The following RCAN2 variants were observed in gnomAD, a reference collection of about 807,000 sequenced individuals.
RCAN2 encodes calcipressin-2.
Under a neutral mutation model 23.6 loss-of-function variants are expected in RCAN2, and 9 were observed. The ratio of observed to expected loss-of-function variants is 0.38; its 90% CI spans 0.23 to 0.67. RCAN2 has a LOEUF of 0.67. Ranked by LOEUF, RCAN2 falls within the 30% of genes least tolerant of loss-of-function variation. The pLI is 0.51. For missense variants in RCAN2, 273 were observed against 302.3 expected, an observed-to-expected ratio of 0.90 and a Z score of 0.72; for synonymous variants, 109 against 115.7, an observed-to-expected ratio of 0.94 and a Z score of 0.37.
chr6:46,354,158 G>A (rs551812658), intron 2 of RCAN2, among the ~76,000 whole-genome samples: 1 of 151,552 alleles, frequency 6.6e-6, no homozygotes, highest in East Asian at 1.9e-4. Context: ...TATGCATGAT[G>A]TGGTCTGCAC....
intron 2 of RCAN2, among the ~76,000 whole-genome samples, chr6:46,407,723 A>G (rs943057745): frequency 6.6e-6 from 1 of 152,340 alleles, no homozygotes; most frequent in East Asian, 1.9e-4. Context: ...GGGTCAGGAA[A>G]TATGTACTTA....
intron 3 of RCAN2, 47 bp from the exon 4 acceptor site, chr6:46,246,966 G>C (rs1199022021): frequency 7.0e-7 from 1 of 1,433,200 alleles, no homozygotes; most frequent in African/African-American, 1.5e-5. Context: ...CATGGCTTCA[G>C]ATGTGTCATG....
intron 2 of RCAN2, among the ~76,000 whole-genome samples, chr6:46,312,628 T>C (rs971754618): frequency 6.6e-6 from 1 of 152,196 alleles, no homozygotes. Flanking sequence ...CCCAGAAACC[T>C]TACCCTTGTT....
At chr6:46,250,455 G>T (rs1258894199) in intron 2 of RCAN2, among the ~76,000 whole-genome samples, 1 of 152,142 alleles carries the variant, frequency 6.6e-6, no homozygotes, top group Admixed American at 6.5e-5. Context: ...GTACAAGTAA[G>T]GATGGAGATG....
At chr6:46,354,310 T>C (rs983463214) in intron 2 of RCAN2, among the ~76,000 whole-genome samples, 2 of 151,424 alleles carry the variant, frequency 1.3e-5, no homozygotes, top group Admixed American at 6.6e-5. Flanking sequence ...TCGGCAGAAG[T>C]TTTCAACTCT....
intron 1 of RCAN2, among the ~76,000 whole-genome samples, chr6:46,462,488 T>C (rs1277675847): frequency 6.6e-6 from 1 of 152,224 alleles, no homozygotes; most frequent in East Asian, 1.9e-4. Flanking sequence ...GATAGCACTT[T>C]TTAAACATTA....
At chr6:46,336,308 G>A (rs1467341419) in intron 2 of RCAN2, among the ~76,000 whole-genome samples, 1 of 152,196 alleles carries the variant, frequency 6.6e-6, no homozygotes, top group East Asian at 1.9e-4. Context: ...TAGACTAGAT[G>A]GGGTGGTTTT....
At chr6:46,395,037 A>G (rs996181835) in intron 2 of RCAN2, among the ~76,000 whole-genome samples, 4 of 152,176 alleles carry the variant, frequency 2.6e-5, no homozygotes, top group Non-Finnish European at 5.9e-5. Flanking sequence ...GATGGAGAAG[A>G]CTTGAGAGAA....
Position 46,222,519 on chromosome 6 carries a change from A to C in RCAN2, c.*622T>G, listed in dbSNP as rs979892365. 1 of 153,124 alleles carries C rather than the reference A, an allele frequency of 6.5e-6. No individual in the cohort carries two copies. The highest frequency in any genetic ancestry group is 1.9e-4 in the East Asian group (1 of 5,204). 9.5% of individuals were successfully genotyped at this position (153,124 alleles called of 1,614,324 possible). A position where few individuals can be genotyped will look rare whatever the true frequency, so the allele number is the denominator to read the frequency against. On this transcript the variant is annotated 3_prime_UTR_variant, in exon 5 of 5. Transcript: ENST00000371374. ...AGGAATTTCAACAGAGCTATGGTGT[A>C]TTGACTCACAATAGTGAATATACCC... is the stretch of plus-strand genomic sequence containing the variant.
chr6:46,456,747 C>T lies in RCAN2; in HGVS notation c.225+5G>A, dbSNP rs1390398604. 8 of 1,543,976 alleles carry T rather than the reference C, an allele frequency of 5.2e-6. No individual in the cohort carries two copies. Among genetic ancestry groups the T allele is most frequent in the South Asian group, 1.2e-5 (1 of 83,926 alleles). The stretch of plus-strand genomic sequence containing the variant: ...ATGTTTTAGGAACAGAAAAAGGCAG[C>T]TTACCTTGCTCTCTTCTCCTTCAAA... On this transcript the variant is annotated splice_donor_5th_base_variant and intron_variant, in intron 2 of 4. Transcript: ENST00000371374.
At chr6:46,263,542 T>TGC (rs1211976977) in intron 2 of RCAN2, among the ~76,000 whole-genome samples, 1 of 38,480 alleles carries the variant, frequency 2.6e-5, no homozygotes, top group Admixed American at 2.2e-4. Context: ...TGTGTGTATG[T>TGC]GTGTGTGTGT....
At chr6:46,324,604 T>G (rs1015049957) in intron 2 of RCAN2, among the ~76,000 whole-genome samples, 2 of 152,168 alleles carry the variant, frequency 1.3e-5, no homozygotes, top group African/African-American at 4.8e-5. Flanking sequence ...TTCTATTAAA[T>G]ATGAGAGAAA....
intron 2 of RCAN2, among the ~76,000 whole-genome samples, chr6:46,307,033 C>G (rs1479589201): frequency 6.6e-6 from 1 of 152,170 alleles, no homozygotes; most frequent in Non-Finnish European, 1.5e-5. Context: ...GAATAAAGCA[C>G]TTCCATCCTC....
chr6:46,373,096 T>C (rs781649819), intron 2 of RCAN2, among the ~76,000 whole-genome samples: 1 of 152,128 alleles, frequency 6.6e-6, no homozygotes, highest in African/African-American at 2.4e-5. Flanking sequence ...GCCAGACAAT[T>C]TAGTGTTTTT....
At chr6:46,427,769 A>G (rs1252242189) in intron 2 of RCAN2, among the ~76,000 whole-genome samples, 1 of 152,244 alleles carries the variant, frequency 6.6e-6, no homozygotes, top group African/African-American at 2.4e-5. Flanking sequence ...ACCAACAGAT[A>G]GACAATTCAA....
At chr6:46,276,934 C>T (rs934924555) in intron 2 of RCAN2, among the ~76,000 whole-genome samples, 8 of 152,208 alleles carry the variant, frequency 5.3e-5, no homozygotes, top group Non-Finnish European at 1.0e-4. Flanking sequence ...GGGTTGACTT[C>T]CCCTGAAACT....
At chr6:46,319,900 G>A (rs1763555365) in intron 2 of RCAN2, among the ~76,000 whole-genome samples, 1 of 152,030 alleles carries the variant, frequency 6.6e-6, no homozygotes, top group African/African-American at 2.4e-5. Context: ...CACACACACT[G>A]CCTTTTGTTC....
At chr6:46,464,453 T>C (rs1768315366) in intron 1 of RCAN2, among the ~76,000 whole-genome samples, 1 of 152,170 alleles carries the variant, frequency 6.6e-6, no homozygotes, top group Non-Finnish European at 1.5e-5. Flanking sequence ...CCTTTGGGTG[T>C]TTTAATATCT....
At chr6:46,461,408 A>T (rs1008614650) in intron 1 of RCAN2, among the ~76,000 whole-genome samples, 2 of 152,166 alleles carry the variant, frequency 1.3e-5, no homozygotes, top group African/African-American at 4.8e-5. Flanking sequence ...TGTGGAAAAG[A>T]AAAACCACTA....
Sources: allele counts gnomAD v4.1 joint callset (sites outside exome capture counted in the v4.1 genomes callset), GRCh38; gene constraint gnomAD v4.1.1; transcripts MANE v1.5; gene names NCBI Gene and HGNC (gene_info 2026-07-23, HGNC 2026-07-21).